The following ANKS1A variants were observed in gnomAD, a reference collection of about 807,000 sequenced individuals.
ANKS1A encodes ankyrin repeat and SAM domain-containing protein 1A.
ANKS1A carries 55 observed loss-of-function variants against 120.3 expected under a neutral mutation model. That is an observed-to-expected ratio of 0.46 (90% CI 0.37 to 0.57). The LOEUF (loss-of-function observed/expected upper bound fraction) is 0.57, where lower values mean the gene tolerates loss of function less well. Among genes scored for constraint, ANKS1A ranks in the 20% least tolerant of loss-of-function variants. The pLI, the probability that ANKS1A is intolerant of heterozygous loss-of-function variation, is 0.00. For synonymous variants in ANKS1A, 590 were observed against 604.7 expected, an observed-to-expected ratio of 0.98 and a Z score of 0.36; for missense variants, 1,123 against 1,480.3, an observed-to-expected ratio of 0.76 and a Z score of 3.96.
At chr6:34,900,691 A>G in intron 1 of ANKS1A, among the ~76,000 whole-genome samples, 1 of 152,210 alleles carries the variant, frequency 6.6e-6, no homozygotes, top group East Asian at 1.9e-4. Flanking sequence ...GCAGTAAGCT[A>G]GTAAAAGTTA....
intron 3 of ANKS1A, among the ~76,000 whole-genome samples, chr6:34,974,344 CTCTT>C (rs1249075849): frequency 3.8e-4 from 20 of 52,318 alleles, no homozygotes; most frequent in African/African-American, 5.0e-4. Context: ...CTTCCCCTTC[CTCTT>C]CCCTTCCCCT....
downstream of ANKS1A, among the ~76,000 whole-genome samples, chr6:35,093,296 G>A (rs1278223095): frequency 6.6e-6 from 1 of 152,142 alleles, no homozygotes; most frequent in Non-Finnish European, 1.5e-5. Context: ...AGCCAAGGAG[G>A]AGGGAGTGCA....
intron 1 of ANKS1A, among the ~76,000 whole-genome samples, chr6:34,914,692 C>T (rs149191703): frequency 9.9e-5 from 15 of 152,152 alleles, no homozygotes; most frequent in Non-Finnish European, 1.6e-4. Flanking sequence ...AAAAAACAGG[C>T]CTTTGGGCTT....
At chr6:35,051,992 G>A (rs1186681805) in intron 11 of ANKS1A, among the ~76,000 whole-genome samples, 1 of 152,120 alleles carries the variant, frequency 6.6e-6, no homozygotes, top group Non-Finnish European at 1.5e-5. Flanking sequence ...CCTGGACAAA[G>A]GCAGTATCAT....
chr6:35,039,406 A>G (rs1424209602), intron 11 of ANKS1A, among the ~76,000 whole-genome samples: 1 of 152,094 alleles, frequency 6.6e-6, no homozygotes, highest in East Asian at 1.9e-4. Flanking sequence ...CATGTTGGTC[A>G]GGCTGGTCTT....
At chr6:35,035,191 A>G (rs1775104312) in intron 11 of ANKS1A, among the ~76,000 whole-genome samples, 1 of 152,212 alleles carries the variant, frequency 6.6e-6, no homozygotes. Flanking sequence ...GCTTGGTGCT[A>G]GGTGCTGGGT....
At chr6:35,079,339 C>T (rs1219179585) in intron 14 of ANKS1A, among the ~76,000 whole-genome samples, 177 bp from the exon 15 acceptor site, 1 of 152,080 alleles carries the variant, frequency 6.6e-6, no homozygotes, top group Non-Finnish European at 1.5e-5. Flanking sequence ...ATGGGGAAGC[C>T]GAGACCAGCA....
intron 10 of ANKS1A, among the ~76,000 whole-genome samples, chr6:34,996,789 T>G (rs2127540725): frequency 6.6e-6 from 1 of 152,274 alleles, no homozygotes; most frequent in East Asian, 1.9e-4. Flanking sequence ...TTTCTATTTT[T>G]TTTGCTAAAA....
chr6:35,068,940 A>G (rs1242484782), intron 13 of ANKS1A, among the ~76,000 whole-genome samples: 1 of 152,176 alleles, frequency 6.6e-6, no homozygotes, highest in Non-Finnish European at 1.5e-5. Context: ...CCCAAGAATC[A>G]GAATCTAGTG....
chr6:34,990,538 T>C (rs1345415778), intron 9 of ANKS1A, among the ~76,000 whole-genome samples: 1 of 151,628 alleles, frequency 6.6e-6, no homozygotes, highest in African/African-American at 2.4e-5. Context: ...AATAAGAATA[T>C]TCAGTTGGGG....
intron 11 of ANKS1A, among the ~76,000 whole-genome samples, chr6:35,027,391 A>C (rs764047424): frequency 5.9e-5 from 9 of 152,180 alleles, no homozygotes; most frequent in Non-Finnish European, 1.2e-4. Flanking sequence ...GGCCTCAGAC[A>C]TTCTCTGATC....
chr6:35,036,683 C>T (rs1246161656), intron 11 of ANKS1A, among the ~76,000 whole-genome samples: 1 of 152,232 alleles, frequency 6.6e-6, no homozygotes, highest in Non-Finnish European at 1.5e-5. Flanking sequence ...TGCCAGTTTT[C>T]TAGAAACAGT....
intron 9 of ANKS1A, among the ~76,000 whole-genome samples, chr6:34,991,733 CATATATATACATATATACACACAT>C (rs1561897048): frequency 3.9e-5 from 2 of 51,682 alleles, no homozygotes; most frequent in African/African-American, 1.2e-4. Context: ...CATATATACA[CATATATATACATATATACACACAT>C]ATATATATAC....
At chr6:35,081,360 C>T (rs573459903) in intron 17 of ANKS1A, among the ~76,000 whole-genome samples, 24 of 152,328 alleles carry the variant, frequency 1.6e-4, no homozygotes, top group Admixed American at 2.6e-4. Flanking sequence ...GAGCTCGGGC[C>T]GCACAACTCA....
chr6:34,906,190 G>A (rs1198525627), intron 1 of ANKS1A, among the ~76,000 whole-genome samples: 2 of 152,170 alleles, frequency 1.3e-5, no homozygotes, highest in Non-Finnish European at 2.9e-5. Flanking sequence ...TTTCCTGGCA[G>A]AGGTCCAAGG....
intron 1 of ANKS1A, among the ~76,000 whole-genome samples, chr6:34,960,427 C>G (rs1030166817): frequency 2.0e-5 from 3 of 152,058 alleles, no homozygotes; most frequent in Non-Finnish European, 4.4e-5. Flanking sequence ...GCATCTCCAG[C>G]CCCTAGAAGG....
chr6:35,095,132 C>CTGTGTCA (rs1778419795), downstream of ANKS1A, among the ~76,000 whole-genome samples: 8 of 131,814 alleles, frequency 6.1e-5, no homozygotes, highest in East Asian at 2.2e-4. Flanking sequence ...CAGAGTGAGA[C>CTGTGTCA]CCCCATCTCA....
chr6:34,954,416 G>T (rs6915007), intron 1 of ANKS1A, among the ~76,000 whole-genome samples: 6,684 of 152,208 alleles, frequency 0.044, 262 homozygotes, highest in African/African-American at 0.11. Context: ...AACAGAAGGG[G>T]TTAGAACAGA....
intron 1 of ANKS1A, among the ~76,000 whole-genome samples, chr6:34,891,704 T>C (rs1005600953): frequency 6.6e-6 from 1 of 152,236 alleles, no homozygotes; most frequent in Non-Finnish European, 1.5e-5. Flanking sequence ...CTCAGCTCAC[T>C]GCAACCTTCG....
Sources: allele counts gnomAD v4.1 joint callset (sites outside exome capture counted in the v4.1 genomes callset), GRCh38; gene constraint gnomAD v4.1.1; transcripts MANE v1.5; gene names NCBI Gene and HGNC (gene_info 2026-07-23, HGNC 2026-07-21).